The following NCKAP1 variants were observed in gnomAD, a reference collection of about 807,000 sequenced individuals.
NCKAP1 encodes the protein NCK associated protein 1.
NCKAP1 carries 21 observed loss-of-function variants against 151.2 expected under a neutral mutation model. The observed-to-expected ratio is 0.14, with a 90% CI of 0.10 to 0.20. The LOEUF is 0.20. NCKAP1 is among the 10% of genes least tolerant of loss of function. The pLI, the probability that NCKAP1 is intolerant of heterozygous loss-of-function variation, is 1.00. For synonymous variants in NCKAP1, 484 were observed against 451.8 expected, an observed-to-expected ratio of 1.07 and a Z score of -0.90; for missense variants, 933 against 1,352.1, an observed-to-expected ratio of 0.69 and a Z score of 4.86.
At chr2:182,945,439 G>A (rs1378577660) in intron 23 of NCKAP1, among the ~76,000 whole-genome samples, 2 of 151,804 alleles carry the variant, frequency 1.3e-5, no homozygotes, top group Non-Finnish European at 2.9e-5. Context: ...AGAAATTACA[G>A]AATGATCTTT....
chr2:182,970,272 T>C (rs915774323), intron 15 of NCKAP1, among the ~76,000 whole-genome samples: 3 of 152,130 alleles, frequency 2.0e-5, no homozygotes, highest in Admixed American at 1.3e-4. Context: ...AGGCCAGCAT[T>C]ACCCTGATAC....
intron 2 of NCKAP1, among the ~76,000 whole-genome samples, chr2:183,009,481 A>AGCAGGCAG (rs1390748327): frequency 1.6e-4 from 24 of 148,384 alleles, no homozygotes; most frequent in African/African-American, 6.3e-4. Flanking sequence ...GAAGGAAGCA[A>AGCAGGCAG]GCAAGCAAGC....
chr2:183,012,318 G>C (rs896961336), intron 2 of NCKAP1, among the ~76,000 whole-genome samples: 2 of 152,192 alleles, frequency 1.3e-5, no homozygotes, highest in African/African-American at 4.8e-5. Context: ...GCTCTGAGTA[G>C]GTACCCATGA....
intron 2 of NCKAP1, among the ~76,000 whole-genome samples, chr2:183,005,672 A>G (rs146627737): frequency 1.1e-3 from 173 of 152,284 alleles, no homozygotes; most frequent in Non-Finnish European, 2.1e-3. Flanking sequence ...CCTAAATTCA[A>G]AACAGTCTAG....
chr2:182,959,181 C>T (rs1697387930), intron 18 of NCKAP1, among the ~76,000 whole-genome samples: 1 of 152,128 alleles, frequency 6.6e-6, no homozygotes, highest in African/African-American at 2.4e-5. Flanking sequence ...GAAAAAAATG[C>T]ATAAGAAATT....
Position 183,038,175 on chromosome 2 carries a change from C to G in NCKAP1, c.-76G>C. The G allele has an allele frequency of 9.7e-7, 1 of 1,029,492 alleles. No individual in the cohort carries two copies. Among genetic ancestry groups the G allele is most frequent in the Non-Finnish European group, 1.3e-6 (1 of 746,948 alleles). 63.8% of individuals were successfully genotyped at this position (1,029,492 alleles called of 1,614,324 possible). A position where few individuals can be genotyped will look rare whatever the true frequency, so the allele number is the denominator to read the frequency against. ...GCCCGCGGCCTTCGCAGCAGCCTCT[C>G]TCGGGCCTCCTCCCCTCCCGCCCGC... On this transcript the variant is annotated 5_prime_UTR_variant, in exon 1 of 31. Coordinates refer to ENST00000361354, the MANE Select transcript of NCKAP1 (RefSeq NM_013436.5).
At chr2:182,942,509 A>G (rs1348874991) in intron 23 of NCKAP1, among the ~76,000 whole-genome samples, 1 of 152,142 alleles carries the variant, frequency 6.6e-6, no homozygotes, top group Non-Finnish European at 1.5e-5. Context: ...TCCAACTGAA[A>G]CAAAAAAACT....
At chr2:182,994,984 C>A (rs920637585) in intron 7 of NCKAP1, 97 bp from the exon 8 acceptor site, 5 of 973,128 alleles carry the variant, frequency 5.1e-6, no homozygotes, top group Non-Finnish European at 7.9e-6. Flanking sequence ...AACTTACTAC[C>A]CAATTCTTCG....
At chr2:183,002,866 C>T (rs1698400114) in intron 4 of NCKAP1, 108 bp downstream of exon 4, 2 of 727,842 alleles carry the variant, frequency 2.7e-6, no homozygotes, top group Admixed American at 5.6e-5. Context: ...ATTAATAATG[C>T]TAAAACTTTA....
chr2:182,986,935 C>T (rs576063396), intron 9 of NCKAP1, among the ~76,000 whole-genome samples: 3 of 152,154 alleles, frequency 2.0e-5, no homozygotes, highest in African/African-American at 7.2e-5. Flanking sequence ...TTCCTGACAA[C>T]CTCTCTAAAA....
At chr2:182,943,078 T>C (rs1279229050) in intron 23 of NCKAP1, among the ~76,000 whole-genome samples, 1 of 152,200 alleles carries the variant, frequency 6.6e-6, no homozygotes, top group Non-Finnish European at 1.5e-5. Context: ...ACAAAGTTCT[T>C]GTAAATCAGA....
At chr2:182,992,612 G>A (rs1001219773) in intron 8 of NCKAP1, among the ~76,000 whole-genome samples, 5 of 152,134 alleles carry the variant, frequency 3.3e-5, no homozygotes, top group Admixed American at 3.3e-4. Flanking sequence ...AATAAACTAT[G>A]AGACAAAGCA....
intron 26 of NCKAP1, among the ~76,000 whole-genome samples, chr2:182,933,349 G>A (rs141501052): frequency 6.6e-6 from 1 of 150,476 alleles, no homozygotes; most frequent in African/African-American, 2.4e-5. Flanking sequence ...GAAGAAAGAA[G>A]TGGCAGAAGA....
chr2:182,986,132 C>A (rs752791947), intron 10 of NCKAP1, 39 bp downstream of exon 10: 2 of 1,589,732 alleles, frequency 1.3e-6, no homozygotes, highest in Admixed American at 1.7e-5. Flanking sequence ...AAGAATTTTT[C>A]TTGATTAAAG....
chr2:182,944,417 A>C (rs1391910461), intron 23 of NCKAP1, among the ~76,000 whole-genome samples: 1 of 152,200 alleles, frequency 6.6e-6, no homozygotes, highest in Non-Finnish European at 1.5e-5. Context: ...AAGAACTAGA[A>C]GAACTGATCT....
Position 182,982,855 on chromosome 2 carries a change from T to C in NCKAP1, c.1174A>G (p.Met392Val). Residue 392 changes from methionine to valine, a missense_variant, in exon 12 of 31, where the codon ATG (methionine) becomes GTG (valine). Met to Val is a conservative substitution (Grantham distance 21, BLOSUM62 1). Coordinates refer to ENST00000361354, the MANE Select transcript of NCKAP1 (RefSeq NM_013436.5). ...AAGTCGTCTGCACTCTTCTTTGGCA[T>C]GTTATCTGCATGACGAAGTAGCCAG... ...IIWLLRHADN[M>V]PKKSADDFID... The C allele has an allele frequency of 1.2e-6, 2 of 1,611,394 alleles. No individual in the cohort carries two copies. Among genetic ancestry groups the C allele is most frequent in the Non-Finnish European group, 1.7e-6 (2 of 1,178,808 alleles).
chr2:183,018,356 A>G (rs1698734758), intron 2 of NCKAP1, among the ~76,000 whole-genome samples: 1 of 152,232 alleles, frequency 6.6e-6, no homozygotes, highest in Non-Finnish European at 1.5e-5. Context: ...GGTTTACTGA[A>G]TCCAGAGTCC....
Position 182,927,643 on chromosome 2 carries a change from A to T in NCKAP1, c.3180+474T>A, listed in dbSNP as rs984610365. 6.6e-5 allele frequency among the ~76,000 whole-genome samples: 10 copies of T among 152,190 alleles called. 1 individual carries two copies. In the South Asian group the frequency reaches 2.1e-3, roughly 32 times the overall value. The stretch of plus-strand genomic sequence containing the variant: ...TCTCTTGGTAGTGAGTAGTATTTTT[A>T]ATGATGAATTTTTCACCATTAATTG... On this transcript the variant is annotated intron_variant, in intron 29 of 30. Coordinates refer to ENST00000361354, the MANE Select transcript of NCKAP1 (RefSeq NM_013436.5).
intron 23 of NCKAP1, among the ~76,000 whole-genome samples, chr2:182,943,670 A>G (rs1199224345): frequency 2.0e-5 from 3 of 152,136 alleles, no homozygotes; most frequent in Non-Finnish European, 4.4e-5. Flanking sequence ...TACTAACACT[A>G]TAAGATACAT....
Sources: allele counts gnomAD v4.1 joint callset (sites outside exome capture counted in the v4.1 genomes callset), GRCh38; gene constraint gnomAD v4.1.1; transcripts MANE v1.5; gene names NCBI Gene and HGNC (gene_info 2026-07-23, HGNC 2026-07-21).